The following ATP8A2 variants were observed in gnomAD, a reference collection of about 807,000 sequenced individuals.
ATP8A2 encodes the protein ATPase phospholipid transporting 8A2, also known as phospholipid-transporting ATPase IB.
ATP8A2 carries 100 observed loss-of-function variants against 165.6 expected under a neutral mutation model. That is an observed-to-expected ratio of 0.60 (90% confidence interval 0.51 to 0.71). The LOEUF is 0.71. Among genes scored for constraint, ATP8A2 ranks in the 30% least tolerant of loss-of-function variants. ATP8A2 has a pLI of 0.00. For synonymous variants in ATP8A2, 543 were observed against 548.8 expected (o/e 0.99, Z 0.15); for missense variants, 1,227 against 1,479.5 (o/e 0.83, Z 2.80).
intron 1 of ATP8A2, among the ~76,000 whole-genome samples, chr13:25,380,928 G>C (rs1034808093): frequency 2.0e-5 from 3 of 152,062 alleles, no homozygotes; most frequent in African/African-American, 7.2e-5. Context: ...CCTCCCTCCA[G>C]CATTTTTTTC....
intron 16 of ATP8A2, among the ~76,000 whole-genome samples, 191 bp from the exon 17 acceptor site, chr13:25,570,576 G>A (rs1334663299): frequency 1.3e-5 from 2 of 152,164 alleles, no homozygotes; most frequent in East Asian, 3.9e-4. Flanking sequence ...ATTAGTGCGC[G>A]TCAGGAGAAC....
intron 1 of ATP8A2, among the ~76,000 whole-genome samples, chr13:25,453,100 A>T (rs1442025059): frequency 1.3e-5 from 2 of 152,002 alleles, no homozygotes; most frequent in African/African-American, 4.8e-5. Flanking sequence ...TCTTTAAAAA[A>T]CAAAAAATAG....
chr13:25,602,864 G>T (rs2040423085), intron 24 of ATP8A2, among the ~76,000 whole-genome samples: 1 of 152,074 alleles, frequency 6.6e-6, no homozygotes, highest in African/African-American at 2.4e-5. Flanking sequence ...GAGGTCAGGA[G>T]TTCAAGACCA....
chr13:25,561,123 G>T (rs573010368), intron 15 of ATP8A2, among the ~76,000 whole-genome samples: 84 of 152,202 alleles, frequency 5.5e-4, no homozygotes, highest in African/African-American at 2.0e-3. Context: ...CTGACCTCGT[G>T]ATCTGCCTGT....
chr13:25,560,965 C>T (rs2039131204), intron 15 of ATP8A2, among the ~76,000 whole-genome samples: 1 of 151,196 alleles, frequency 6.6e-6, no homozygotes, highest in Admixed American at 6.6e-5. Flanking sequence ...TGGCTCACTG[C>T]AAGCTCCGCC....
At position 25,649,473 on chromosome 13, in the gene ATP8A2, G is replaced by A. The variant is rs77491284; in HGVS notation, c.2212-49700G>A. Among the ~76,000 whole-genome samples, 37 of 152,302 alleles carry A rather than the reference G, an allele frequency of 2.4e-4. No individual in the cohort carries two copies. The East Asian group carries it at 7.2e-3, about 29-fold the overall frequency. On this transcript the variant is annotated intron_variant, in intron 24 of 36. Coordinates refer to ENST00000381655, the MANE Select transcript of ATP8A2 (RefSeq NM_016529.6). ...TGAGATGGACAAGACCAGATGCTAT[G>A]CACAATAGAAATGCATGGTTGAAGT...
At chr13:25,892,434 T>A (rs566723945) in intron 33 of ATP8A2, among the ~76,000 whole-genome samples, 1 of 143,150 alleles carries the variant, frequency 7.0e-6, no homozygotes, top group Non-Finnish European at 1.5e-5. Flanking sequence ...TAAAAGGCAA[T>A]GGAAACAACA....
chr13:25,860,368 CA>C lies in ATP8A2; in HGVS notation c.3018+116del, dbSNP rs150120594. 4.6e-3 allele frequency: 2,806 copies of C among 606,042 alleles called. 68 individuals carry two copies. The highest frequency in any genetic ancestry group is 0.043 in the African/African-American group (2,328 of 53,548). 37.5% of individuals were successfully genotyped at this position (606,042 alleles called of 1,614,324 possible). Reference sequence around the variant, plus strand: ...ATTATTATTATTTATTTCAAATCTTCAAAATGTATTTTATATATCCTTCAAA... The same window carrying C: ...ATTATTATTATTTATTTCAAATCTTCAAATGTATTTTATATATCCTTCAAA... On this transcript the variant is annotated intron_variant, in intron 31 of 36. Transcript: ENST00000381655.
chr13:25,417,383 T>C (rs1468598606), intron 1 of ATP8A2, among the ~76,000 whole-genome samples: 1 of 152,256 alleles, frequency 6.6e-6, no homozygotes, highest in Non-Finnish European at 1.5e-5. Context: ...CTTTTTGGTC[T>C]GGGCTTGACA....
intron 1 of ATP8A2, among the ~76,000 whole-genome samples, chr13:25,433,594 C>T (rs1453603954): frequency 2.6e-5 from 4 of 152,112 alleles, no homozygotes; most frequent in African/African-American, 9.7e-5. Context: ...TTTTCAAGTG[C>T]TGTTTGTATA....
At chr13:25,815,182 C>T (rs1472128270) in intron 27 of ATP8A2, among the ~76,000 whole-genome samples, 1 of 151,920 alleles carries the variant, frequency 6.6e-6, no homozygotes, top group Non-Finnish European at 1.5e-5. Context: ...GGCAACAACA[C>T]CAAAAAATAG....
chr13:25,744,128 T>C (rs1184577403), intron 25 of ATP8A2, among the ~76,000 whole-genome samples: 1 of 152,264 alleles, frequency 6.6e-6, no homozygotes, highest in African/African-American at 2.4e-5. Flanking sequence ...AGGGAAGATA[T>C]TGAAATTCAG....
Position 25,577,104 on chromosome 13 carries a change from C to T in ATP8A2, c.1748C>T (p.Pro583Leu). The T allele has an allele frequency of 6.2e-7, 1 of 1,613,972 alleles. No individual in the cohort carries two copies. The highest frequency in any genetic ancestry group is 1.1e-5 in the South Asian group (1 of 91,076). Residue 583 changes from proline to leucine, a missense_variant, in exon 20 of 37, where the codon CCT (proline) becomes CTT (leucine). This residue lies in a region of ATP8A2 where 592 missense variants were observed against 785.6 expected (regional missense o/e 0.75). Transcript: ENST00000381655. Reference sequence around the variant, plus strand: ...AGAATGTCTGTAATTGTTCGAACTCCTTCAGGACGACTTCGGCTTTACTGT... The same window carrying T: ...AGAATGTCTGTAATTGTTCGAACTCTTTCAGGACGACTTCGGCTTTACTGT... The part of the protein sequence containing the change: ...RKRMSVIVRT[P>L]SGRLRLYCKG...
rs548336367 is a variant in ATP8A2, at chr13:25,513,549, C to T, written c.222-16450C>T. Among the ~76,000 whole-genome samples the T allele has an allele frequency of 1.6e-4, 25 of 152,080 alleles. No individual in the cohort carries two copies. In the East Asian group the frequency reaches 3.7e-3, roughly 23 times the overall value. On this transcript the variant is annotated intron_variant, in intron 2 of 36. Coordinates refer to ENST00000381655, the MANE Select transcript of ATP8A2 (RefSeq NM_016529.6). ...GGAGAGACGCTCCTCACTTCCCAGA[C>T]GGGGTGGCGGCCGGGCAGAGGCTGC...
At chr13:25,773,121 A>G (rs1426801083) in intron 26 of ATP8A2, among the ~76,000 whole-genome samples, 1 of 152,174 alleles carries the variant, frequency 6.6e-6, no homozygotes, top group African/African-American at 2.4e-5. Context: ...ACTGCAAAAG[A>G]ATTTCTAATG....
intron 24 of ATP8A2, among the ~76,000 whole-genome samples, chr13:25,618,665 A>G (rs558718038): frequency 4.0e-5 from 6 of 149,506 alleles, no homozygotes; most frequent in Non-Finnish European, 8.9e-5. Context: ...TCCCTCCATT[A>G]AAGTTCTGAT....
intron 33 of ATP8A2, among the ~76,000 whole-genome samples, chr13:25,884,912 C>T (rs1041771548): frequency 7.9e-5 from 12 of 152,100 alleles, no homozygotes; most frequent in African/African-American, 2.7e-4. Context: ...TGGCCTCTGC[C>T]GACTGTTGAC....
In ATP8A2 at chr13:25,860,229, T is replaced by C; in HGVS notation, c.2991T>C (p.Tyr997=). The C allele has an allele frequency of 6.2e-7, 1 of 1,612,214 alleles. No homozygotes were observed. The highest frequency in any genetic ancestry group is 1.1e-5 in the South Asian group (1 of 90,910). ...TVLTSGHATD[Y]LFVGNIVYTY... ...TGACAAGTGGTCATGCTACCGACTA[T>C]TTATTTGTTGGAAATATTGTTTACA... The change falls in exon 31 of 37, where the codon TAT becomes TAC. Residue 997 remains tyrosine, a synonymous_variant. Transcript: ENST00000381655.
At chr13:25,868,987 T>C (rs890931558) in intron 33 of ATP8A2, among the ~76,000 whole-genome samples, 1 of 140,618 alleles carries the variant, frequency 7.1e-6, no homozygotes, top group Non-Finnish European at 1.5e-5. Context: ...GTGAATGGCA[T>C]GAACCCAGGA....
Sources: gnomAD v4.1 joint callset for allele counts (sites outside exome capture counted in the v4.1 genomes callset) on GRCh38, gnomAD v4.1.1 for gene constraint, gnomAD v4.1.1 regional missense constraint, MANE v1.5 for transcripts, NCBI Gene and HGNC (gene_info 2026-07-23, HGNC 2026-07-21) for gene names.